GPC5: variants seen among roughly 807,000 people sequenced by gnomAD.
GPC5 encodes glypican-5.
A neutral mutation model predicts 53.9 loss-of-function variants in GPC5; 47 were observed. The observed-to-expected ratio is 0.87, with a 90% CI of 0.69 to 1.11. GPC5 has a LOEUF of 1.11. Ranked by LOEUF, GPC5 falls within the 50% of genes most tolerant of loss-of-function variation. The probability of loss-of-function intolerance (pLI) is 0.00; values close to 1 mark genes in which losing one functional copy is unlikely to be tolerated. For missense variants in GPC5, 748 were observed against 713.1 expected, an observed-to-expected ratio of 1.05 and a Z score of -0.56; for synonymous variants, 286 against 263.3, an observed-to-expected ratio of 1.09 and a Z score of -0.84.
chr13:91,761,865 TCTCCC>T (rs2037419835), intron 5 of GPC5, among the ~76,000 whole-genome samples: 1 of 152,060 alleles, frequency 6.6e-6, no homozygotes, highest in South Asian at 2.1e-4. Flanking sequence ...CTTCAGCCCC[TCTCCC>T]CTCCCTGGAG....
At chr13:92,483,654 TAAC>T in intron 7 of GPC5, among the ~76,000 whole-genome samples, 1 of 152,080 alleles carries the variant, frequency 6.6e-6, no homozygotes, top group Non-Finnish European at 1.5e-5. Context: ...AAATTTACCT[TAAC>T]ACTGTAATTT....
intron 7 of GPC5, among the ~76,000 whole-genome samples, chr13:92,166,910 C>T (rs1184817762): frequency 6.9e-6 from 1 of 145,348 alleles, no homozygotes; most frequent in Non-Finnish European, 1.5e-5. Context: ...CAAAATAAGG[C>T]ATAAGTCTCA....
At chr13:92,224,150 C>T (rs939719279) in intron 7 of GPC5, among the ~76,000 whole-genome samples, 3 of 152,226 alleles carry the variant, frequency 2.0e-5, no homozygotes, top group African/African-American at 7.2e-5. Context: ...TCTAAAAGAA[C>T]TTTCTGCACT....
intron 7 of GPC5, among the ~76,000 whole-genome samples, chr13:92,822,764 C>T (rs564406883): frequency 6.6e-6 from 1 of 152,156 alleles, no homozygotes; most frequent in East Asian, 1.9e-4. Context: ...AGCTTGATTT[C>T]CTTAAACTCC....
At chr13:91,758,226 G>C (rs1379313892) in intron 5 of GPC5, among the ~76,000 whole-genome samples, 1 of 151,878 alleles carries the variant, frequency 6.6e-6, no homozygotes, top group East Asian at 1.9e-4. Context: ...TGAGTTCTTA[G>C]TGTATTCATG....
intron 7 of GPC5, among the ~76,000 whole-genome samples, chr13:92,746,450 T>A (rs1889243833): frequency 6.6e-6 from 1 of 152,124 alleles, no homozygotes; most frequent in Non-Finnish European, 1.5e-5. Flanking sequence ...TTCTAAGTGA[T>A]TCCTGCAGTA....
chr13:91,638,517 C>A (rs1251932834), intron 2 of GPC5, among the ~76,000 whole-genome samples: 2 of 152,058 alleles, frequency 1.3e-5, no homozygotes, highest in Non-Finnish European at 2.9e-5. Flanking sequence ...AGGCATGTGC[C>A]ACCATACTCG....
chr13:91,570,957 T>G (rs2031754084), intron 2 of GPC5, among the ~76,000 whole-genome samples: 1 of 152,170 alleles, frequency 6.6e-6, no homozygotes, highest in Non-Finnish European at 1.5e-5. Context: ...AATAATCTAT[T>G]AAAAATCATA....
intron 7 of GPC5, among the ~76,000 whole-genome samples, chr13:92,414,854 A>G (rs937678858): frequency 6.6e-6 from 1 of 152,148 alleles, no homozygotes; most frequent in Non-Finnish European, 1.5e-5. Flanking sequence ...CCTCAATCCC[A>G]TTCATAAAAG....
At chr13:91,760,183 G>A (rs1313325523) in intron 5 of GPC5, among the ~76,000 whole-genome samples, 3 of 152,076 alleles carry the variant, frequency 2.0e-5, no homozygotes, top group Non-Finnish European at 4.4e-5. Flanking sequence ...TACTAATTCA[G>A]ATTTTCCTAG....
chr13:92,286,432 C>G (rs1283835293), intron 7 of GPC5, among the ~76,000 whole-genome samples: 1 of 152,014 alleles, frequency 6.6e-6, no homozygotes, highest in Non-Finnish European at 1.5e-5. Context: ...AGACACATGC[C>G]CATGTATGTT....
At chr13:91,412,062 T>A (rs1227560144) in intron 1 of GPC5, among the ~76,000 whole-genome samples, 1 of 152,108 alleles carries the variant, frequency 6.6e-6, no homozygotes, top group Non-Finnish European at 1.5e-5. Flanking sequence ...TGGCAACAGC[T>A]AGCTCTTTAG....
At chr13:92,567,657 G>A (rs1171844073) in intron 7 of GPC5, among the ~76,000 whole-genome samples, 1 of 152,060 alleles carries the variant, frequency 6.6e-6, no homozygotes, top group Non-Finnish European at 1.5e-5. Context: ...AGAGGAAGGG[G>A]CCCAGCAGCC....
At chr13:91,451,886 T>C (rs1271665054) in intron 2 of GPC5, among the ~76,000 whole-genome samples, 1 of 151,766 alleles carries the variant, frequency 6.6e-6, no homozygotes, top group Non-Finnish European at 1.5e-5. Flanking sequence ...AAAGTGCTGG[T>C]ATTACAGGTG....
chr13:92,406,347 A>G (rs981236537), intron 7 of GPC5, among the ~76,000 whole-genome samples: 1 of 152,228 alleles, frequency 6.6e-6, no homozygotes, highest in Non-Finnish European at 1.5e-5. Flanking sequence ...TTTCAAAACA[A>G]TGTCTGTGCT....
chr13:92,842,213 CA>C (rs1235812501), intron 7 of GPC5, among the ~76,000 whole-genome samples: 4 of 152,056 alleles, frequency 2.6e-5, no homozygotes, highest in African/African-American at 9.7e-5. Context: ...TACAAACTAA[CA>C]AATAAGCCTG....
At chr13:91,826,698 G>A (rs547491228) in intron 5 of GPC5, among the ~76,000 whole-genome samples, 1 of 152,124 alleles carries the variant, frequency 6.6e-6, no homozygotes, top group African/African-American at 2.4e-5. Flanking sequence ...TTGACAAATA[G>A]ATCACTAAAG....
At chr13:92,252,560 A>G (rs548689320) in intron 7 of GPC5, among the ~76,000 whole-genome samples, 2 of 152,182 alleles carry the variant, frequency 1.3e-5, no homozygotes, top group East Asian at 3.9e-4. Flanking sequence ...ATAGAGTAAA[A>G]ATACATCTAT....
At chr13:92,835,006 G>A (rs1282269312) in intron 7 of GPC5, among the ~76,000 whole-genome samples, 1 of 151,958 alleles carries the variant, frequency 6.6e-6, no homozygotes, top group Non-Finnish European at 1.5e-5. Flanking sequence ...CTTCTCTCTC[G>A]AGCTTGGTTT....
Sources: gnomAD v4.1 joint callset for allele counts (sites outside exome capture counted in the v4.1 genomes callset) on GRCh38, gnomAD v4.1.1 for gene constraint, MANE v1.5 for transcripts, NCBI Gene and HGNC (gene_info 2026-07-23, HGNC 2026-07-21) for gene names.